Variants in DNAH5 observed in about 807,000 individuals in gnomAD.
DNAH5 encodes the protein axonemal beta dynein heavy chain 5.
DNAH5 carries 372 observed loss-of-function variants against 518.2 expected under a neutral mutation model. The ratio of observed to expected loss-of-function variants is 0.72; its 90% CI spans 0.66 to 0.78. The LOEUF is 0.78. DNAH5 is among the 30% of genes least tolerant of loss of function. DNAH5 has a pLI of 0.00. For missense variants in DNAH5, 5,523 were observed against 5,687.0 expected (o/e 0.97, Z 0.93); for synonymous variants, 2,039 against 2,025.9 (o/e 1.01, Z -0.17).
intron 27 of DNAH5, among the ~76,000 whole-genome samples, 160 bp from the exon 28 acceptor site, chr5:13,864,797 A>T (rs528055568): frequency 6.6e-6 from 1 of 152,308 alleles, no homozygotes; most frequent in Admixed American, 6.5e-5. Flanking sequence ...TAATATACAG[A>T]TGACTTTTAT....
Position 13,862,546 on chromosome 5 carries a change from A to G in DNAH5, c.4796+2T>C. On this transcript the variant is annotated splice_donor_variant, in intron 29 of 78. Coordinates refer to ENST00000265104, the MANE Select transcript of DNAH5 (RefSeq NM_001369.3). LOFTEE classifies it high-confidence loss of function. ...AAGGGAAAAGATAGATGGTTTTCCC[A>G]CCTGTTGCTCAGTAGGGATCCCAGC... 1 of 1,613,694 alleles carries G rather than the reference A, an allele frequency of 6.2e-7. No homozygotes were observed. The highest frequency in any genetic ancestry group is 2.2e-5 in the East Asian group (1 of 44,884).
rs761306844 is a variant in DNAH5 at position 13,923,278 on chromosome 5, A to T, written c.438+2T>A. On this transcript the variant is annotated splice_donor_variant, in intron 4 of 78. Coordinates refer to ENST00000265104, the MANE Select transcript of DNAH5 (RefSeq NM_001369.3). LOFTEE classifies it high-confidence loss of function. ...GAGTAAACAATGGCTCTTGCCCCTTACCTGGTGGATGTTGTCAGGGGTGAT... is the reference window on the plus strand; with the variant it reads ...GAGTAAACAATGGCTCTTGCCCCTTTCCTGGTGGATGTTGTCAGGGGTGAT... 1 of 1,614,112 alleles carries T rather than the reference A, an allele frequency of 6.2e-7. No individual in the cohort carries two copies. The highest frequency in any genetic ancestry group is 1.3e-5 in the African/African-American group (1 of 75,030).
chr5:13,706,900 A>G (rs2126446865), intron 76 of DNAH5, among the ~76,000 whole-genome samples: 1 of 152,314 alleles, frequency 6.6e-6, no homozygotes, highest in Non-Finnish European at 1.5e-5. Flanking sequence ...AGAGAAGGGC[A>G]GGGTCCCTGG....
intron 65 of DNAH5, among the ~76,000 whole-genome samples, chr5:13,740,896 A>T (rs1021201946): frequency 6.6e-6 from 1 of 152,152 alleles, no homozygotes; most frequent in African/African-American, 2.4e-5. Flanking sequence ...CTTCTAACAT[A>T]ATACATAAAT....
intron 1 of DNAH5, among the ~76,000 whole-genome samples, chr5:13,979,585 T>C (rs1448832194): frequency 1.3e-5 from 2 of 152,144 alleles, no homozygotes; most frequent in Non-Finnish European, 2.9e-5. Context: ...TCAAAATGCC[T>C]CTAAACAATG....
chr5:13,712,686 A>AAGATATAC (rs1280989240), intron 75 of DNAH5, among the ~76,000 whole-genome samples: 1 of 152,170 alleles, frequency 6.6e-6, no homozygotes, highest in Non-Finnish European at 1.5e-5. Context: ...TTCTCAAAAG[A>AAGATATAC]AGATATACAA....
chr5:13,713,272 GACATATATATACCA>G (rs1335338190), intron 75 of DNAH5, among the ~76,000 whole-genome samples: 31 of 128,150 alleles, frequency 2.4e-4, no homozygotes, highest in African/African-American at 4.1e-4. Flanking sequence ...TATATATACC[GACATATATATACCA>G]ACATATATAT....
chr5:13,831,141 T>A (rs1341895450), intron 35 of DNAH5, among the ~76,000 whole-genome samples: 5 of 152,228 alleles, frequency 3.3e-5, no homozygotes, highest in Non-Finnish European at 7.3e-5. Context: ...TCTACCCCCA[T>A]CTAAAATGTA....
intron 38 of DNAH5, among the ~76,000 whole-genome samples, chr5:13,828,386 G>A (rs1763192896): frequency 6.6e-6 from 1 of 152,144 alleles, no homozygotes; most frequent in South Asian, 2.1e-4. Flanking sequence ...TCATTATTTA[G>A]CATATATTTC....
At chr5:13,972,035 C>G (rs962935021) in intron 1 of DNAH5, among the ~76,000 whole-genome samples, 5 of 152,040 alleles carry the variant, frequency 3.3e-5, no homozygotes, top group African/African-American at 1.2e-4. Context: ...CCCAGGCCAA[C>G]GGAGTTACAT....
chr5:13,768,957 C>T lies in DNAH5; in HGVS notation c.9897+3G>A. On this transcript the variant is annotated splice_donor_region_variant and intron_variant, in intron 58 of 78. Coordinates refer to ENST00000265104, the MANE Select transcript of DNAH5 (RefSeq NM_001369.3). Reference sequence around the variant, plus strand: ...TGACATCTGTTATATCACATAGATGCACCTGCAATGCAGCTTCTGCCTCTT... The same window carrying T: ...TGACATCTGTTATATCACATAGATGTACCTGCAATGCAGCTTCTGCCTCTT... The T allele has an allele frequency of 1.2e-6, 2 of 1,614,108 alleles. No individual in the cohort carries two copies. The highest frequency in any genetic ancestry group is 1.3e-5 in the African/African-American group (1 of 75,052).
At position 13,868,422 on chromosome 5, in the gene DNAH5, G is replaced by A. The variant is rs369592495; in HGVS notation, c.3835-430C>T. ...GGGTTTTAACTCTGTCTTATTTCAC[G>A]TGATCGATAAGAGGTTCCAATAGTA... On this transcript the variant is annotated intron_variant, in intron 24 of 78. Transcript: ENST00000265104. Among the ~76,000 whole-genome samples, 35 of 152,192 alleles carry A rather than the reference G, an allele frequency of 2.3e-4. 1 individual carries two copies. The highest frequency in any genetic ancestry group is 8.2e-4 in the African/African-American group (34 of 41,526).
intron 35 of DNAH5, 76 bp downstream of exon 35, chr5:13,839,280 G>C: frequency 7.2e-7 from 1 of 1,397,616 alleles, no homozygotes; most frequent in Non-Finnish European, 1.0e-6. Context: ...TAAACCCTAA[G>C]AGACTTTAAG....
At chr5:13,725,360 CAT>C (rs980803164) in intron 70 of DNAH5, among the ~76,000 whole-genome samples, 9 of 152,334 alleles carry the variant, frequency 5.9e-5, no homozygotes, top group South Asian at 2.1e-4. Context: ...GCAGAAGAAA[CAT>C]ATGCAGAGAC....
intron 42 of DNAH5, among the ~76,000 whole-genome samples, chr5:13,815,967 G>A (rs1348376794): frequency 6.6e-6 from 1 of 152,200 alleles, no homozygotes; most frequent in Non-Finnish European, 1.5e-5. Context: ...TTCTGGCATG[G>A]TCTCCTGTGT....
At chr5:13,908,228 C>G (rs914882014) in intron 12 of DNAH5, among the ~76,000 whole-genome samples, 2 of 152,274 alleles carry the variant, frequency 1.3e-5, no homozygotes, top group South Asian at 4.2e-4. Context: ...CCTGCTAAGT[C>G]CACATCCTAG....
intron 68 of DNAH5, among the ~76,000 whole-genome samples, chr5:13,732,051 T>G (rs1579954125): frequency 1.3e-5 from 2 of 151,664 alleles, no homozygotes; most frequent in Non-Finnish European, 2.9e-5. Flanking sequence ...GCCCAGGAGT[T>G]TGAGGTTACA....
chr5:13,958,564 A>G (rs1780936830), intron 1 of DNAH5, among the ~76,000 whole-genome samples: 1 of 152,194 alleles, frequency 6.6e-6, no homozygotes, highest in African/African-American at 2.4e-5. Flanking sequence ...TTACTCTTAC[A>G]TAGAGTAGAA....
chr5:13,902,397 A>G (rs948324181), intron 12 of DNAH5, among the ~76,000 whole-genome samples: 1 of 152,222 alleles, frequency 6.6e-6, no homozygotes, highest in Non-Finnish European at 1.5e-5. Context: ...GGGGGGTGGC[A>G]CTGGGGCCTT....
Sources: gnomAD v4.1 joint callset for allele counts (sites outside exome capture counted in the v4.1 genomes callset) on GRCh38, gnomAD v4.1.1 for gene constraint, MANE v1.5 for transcripts, NCBI Gene and HGNC (gene_info 2026-07-23, HGNC 2026-07-21) for gene names.